GRIN2A: variants seen among roughly 807,000 people sequenced by gnomAD.
GRIN2A encodes the protein glutamate receptor ionotropic, NMDA 2A.
A neutral mutation model predicts 113.4 loss-of-function variants in GRIN2A; 22 were observed. That is an observed-to-expected ratio of 0.19 (90% CI 0.14 to 0.28). GRIN2A has a LOEUF of 0.28. Among genes scored for constraint, GRIN2A ranks in the 10% least tolerant of loss-of-function variants. GRIN2A has a pLI of 1.00. For missense variants in GRIN2A, 1,502 were observed against 1,887.0 expected (o/e 0.80, Z 3.78); for synonymous variants, 827 against 738.4 (o/e 1.12, Z -1.94).
intron 2 of GRIN2A, among the ~76,000 whole-genome samples, chr16:9,946,818 T>C (rs1208918287): frequency 6.6e-6 from 1 of 152,140 alleles, no homozygotes. Flanking sequence ...CTATATACCA[T>C]CCTAAGAAGA....
At chr16:10,155,197 A>C (rs1277378374) in intron 2 of GRIN2A, among the ~76,000 whole-genome samples, 1 of 152,236 alleles carries the variant, frequency 6.6e-6, no homozygotes, top group Non-Finnish European at 1.5e-5. Context: ...GTTGAAGCTC[A>C]AAAGGTCAGC....
At chr16:9,956,061 C>T (rs2045301857) in intron 2 of GRIN2A, among the ~76,000 whole-genome samples, 1 of 152,158 alleles carries the variant, frequency 6.6e-6, no homozygotes, top group African/African-American at 2.4e-5. Context: ...AGACACAAAA[C>T]AATTCTCAGG....
chr16:10,038,494 C>G (rs1232268755), intron 2 of GRIN2A, among the ~76,000 whole-genome samples: 1 of 152,118 alleles, frequency 6.6e-6, no homozygotes, highest in South Asian at 2.1e-4. Flanking sequence ...CTGTCCTCCA[C>G]CTACTAGATG....
intron 2 of GRIN2A, among the ~76,000 whole-genome samples, chr16:10,044,879 T>C (rs2047231995): frequency 6.6e-6 from 1 of 152,088 alleles, no homozygotes; most frequent in Non-Finnish European, 1.5e-5. Flanking sequence ...AAGGCGAGCA[T>C]TCAAATATTT....
chr16:10,005,500 A>G (rs979071942), intron 2 of GRIN2A, among the ~76,000 whole-genome samples: 2 of 152,236 alleles, frequency 1.3e-5, no homozygotes, highest in African/African-American at 2.4e-5. Flanking sequence ...AGTGTGTACC[A>G]TGAGTGAGTG....
chr16:9,813,140 T>C (rs573646730), intron 10 of GRIN2A, among the ~76,000 whole-genome samples: 1 of 152,384 alleles, frequency 6.6e-6, no homozygotes, highest in South Asian at 2.1e-4. Context: ...CCTTCAGTGC[T>C]AGTTAAGGCA....
At chr16:10,049,315 C>G (rs1186071329) in intron 2 of GRIN2A, among the ~76,000 whole-genome samples, 2 of 152,078 alleles carry the variant, frequency 1.3e-5, no homozygotes, top group East Asian at 3.9e-4. Flanking sequence ...GCATTTTAGA[C>G]TCATTATCTC....
At chr16:10,177,743 C>T (rs2050177572) in intron 2 of GRIN2A, among the ~76,000 whole-genome samples, 1 of 152,184 alleles carries the variant, frequency 6.6e-6, no homozygotes, top group African/African-American at 2.4e-5. Context: ...TTCTAATGCC[C>T]CCTTCAAGGG....
At chr16:9,974,989 C>T (rs1402896300) in intron 2 of GRIN2A, among the ~76,000 whole-genome samples, 1 of 152,002 alleles carries the variant, frequency 6.6e-6, no homozygotes, top group Non-Finnish European at 1.5e-5. Flanking sequence ...TGTATTTGAC[C>T]TTTATTGGAT....
At chr16:10,017,375 T>C (rs2046631162) in intron 2 of GRIN2A, among the ~76,000 whole-genome samples, 4 of 151,454 alleles carry the variant, frequency 2.6e-5, no homozygotes, top group Non-Finnish European at 5.9e-5. Flanking sequence ...GAAGACTACC[T>C]GGGGGCTGGG....
intron 4 of GRIN2A, among the ~76,000 whole-genome samples, chr16:9,852,740 A>G (rs577858791): frequency 6.6e-6 from 1 of 152,306 alleles, no homozygotes; most frequent in South Asian, 2.1e-4. Flanking sequence ...ACTAAATCGT[A>G]TATACCAGAT....
chr16:9,945,772 A>C (rs189374848), intron 2 of GRIN2A, among the ~76,000 whole-genome samples: 99 of 152,312 alleles, frequency 6.5e-4, no homozygotes, highest in Non-Finnish European at 1.2e-3. Context: ...TCTGGAATAA[A>C]AAGGAGTCTT....
chr16:9,768,295 G>A (rs1239763746), intron 12 of GRIN2A, among the ~76,000 whole-genome samples: 5 of 152,184 alleles, frequency 3.3e-5, no homozygotes, highest in East Asian at 1.9e-4. Flanking sequence ...CTCGTGATCC[G>A]CCCGCCTGGG....
intron 3 of GRIN2A, among the ~76,000 whole-genome samples, chr16:9,911,812 AACACTTTT>A (rs767901784): frequency 2.0e-4 from 31 of 152,330 alleles, no homozygotes; most frequent in South Asian, 1.4e-3. Flanking sequence ...AGGTTGAGTG[AACACTTTT>A]ACACTTTTGG....
At position 9,763,629 on chromosome 16, in the gene GRIN2A, G is replaced by A. The variant is rs199830697; in HGVS notation, c.3915C>T (p.Ser1305=). ...TGAGGCTTATGCTCCGGGAGGGCCT[G>A]CTAAGGTCTAGCTCCCTAGGTTTGT... The part of the protein sequence containing the change: ...IVDKPRELDL[S]RPSRSISLKD... The change falls in exon 13 of 13, where the codon AGC becomes AGT. Residue 1305 remains serine, a synonymous_variant. Transcript: ENST00000330684. The A allele has an allele frequency of 3.7e-6, 6 of 1,613,228 alleles. No homozygotes were observed. The highest frequency in any genetic ancestry group is 4.2e-6 in the Non-Finnish European group (5 of 1,179,990).
chr16:9,883,556 G>A (rs1201252224), intron 4 of GRIN2A, among the ~76,000 whole-genome samples: 4 of 152,198 alleles, frequency 2.6e-5, no homozygotes, highest in Non-Finnish European at 5.9e-5. Flanking sequence ...GAAGGGGCAG[G>A]AACATCAGGA....
At chr16:9,806,087 A>C (rs544075065) in intron 10 of GRIN2A, among the ~76,000 whole-genome samples, 2 of 152,352 alleles carry the variant, frequency 1.3e-5, no homozygotes, top group South Asian at 4.1e-4. Flanking sequence ...AAGCTAATTT[A>C]ATTCCTCGAT....
At chr16:9,820,489 T>C (rs2042261834) in intron 10 of GRIN2A, among the ~76,000 whole-genome samples, 1 of 152,172 alleles carries the variant, frequency 6.6e-6, no homozygotes, top group Non-Finnish European at 1.5e-5. Context: ...AAAAGAAGCA[T>C]TATTCATAAT....
intron 2 of GRIN2A, among the ~76,000 whole-genome samples, chr16:10,089,042 T>G (rs909628099): frequency 6.6e-6 from 1 of 152,244 alleles, no homozygotes; most frequent in African/African-American, 2.4e-5. Flanking sequence ...AAAAATGGGA[T>G]GACAATAAGA....
Sources: gnomAD v4.1 joint callset for allele counts (sites outside exome capture counted in the v4.1 genomes callset) on GRCh38, gnomAD v4.1.1 for gene constraint, MANE v1.5 for transcripts, NCBI Gene and HGNC (gene_info 2026-07-23, HGNC 2026-07-21) for gene names.